TXNDC11: variants seen among roughly 807,000 people sequenced by gnomAD.
TXNDC11 encodes the protein thioredoxin domain containing 11.
TXNDC11 carries 68 observed loss-of-function variants against 78.0 expected under a neutral mutation model. The ratio of observed to expected loss-of-function variants is 0.87; its 90% confidence interval spans 0.72 to 1.07. The LOEUF (loss-of-function observed/expected upper bound fraction) is 1.07, where lower values mean the gene tolerates loss of function less well. Among genes scored for constraint, TXNDC11 ranks in the 50% least tolerant of loss-of-function variants. The pLI is 0.00. For missense variants in TXNDC11, 1,389 were observed against 1,221.8 expected, an observed-to-expected ratio of 1.14 and a Z score of -2.04; for synonymous variants, 571 against 495.2, an observed-to-expected ratio of 1.15 and a Z score of -2.03.
intron 5 of TXNDC11, among the ~76,000 whole-genome samples, chr16:11,703,509 T>TACACATACACACACAC (rs373777451): frequency 1.4e-5 from 2 of 144,938 alleles, no homozygotes; most frequent in African/African-American, 5.2e-5. Flanking sequence ...AGGCTTTTGA[T>TACACATACACACACAC]ACACACACAC....
chr16:11,720,823 C>A lies in TXNDC11; in HGVS notation c.793+754G>T, dbSNP rs1440219553. 2.6e-5 allele frequency among the ~76,000 whole-genome samples: 4 copies of A among 151,764 alleles called. No homozygotes were observed. The South Asian group carries it at 8.3e-4, about 32-fold the overall frequency. Reference sequence around the variant, plus strand: ...GTGGCGCGATCTCGGTTTACTGCAACCTCTGCCTCCTACGTTGAAGCAAGT... The same window carrying A: ...GTGGCGCGATCTCGGTTTACTGCAAACTCTGCCTCCTACGTTGAAGCAAGT... On this transcript the variant is annotated intron_variant, in intron 5 of 11. Transcript: ENST00000283033.
At chr16:11,686,609 A>G (rs1395135970) in intron 10 of TXNDC11, among the ~76,000 whole-genome samples, 1 of 152,262 alleles carries the variant, frequency 6.6e-6, no homozygotes, top group Non-Finnish European at 1.5e-5. Context: ...TATTTTATCA[A>G]CACAAGATTC....
In TXNDC11 at chr16:11,691,798, G is replaced by C; in HGVS notation, c.1392C>G (p.Ser464Arg). Residue 464 changes from serine (S) to arginine (R), a missense_variant, in exon 8 of 12, where the codon AGC (serine) becomes AGG (arginine). Transcript: ENST00000283033. ...KPSSVSVPQC[S>R]FFEMAAALDS... The stretch of plus-strand genomic sequence containing the variant: ...CCAGAGCTGCTGCCATTTCAAAAAA[G>C]CTGCACTGTGGCACGCTGACCGAGC... 1 of 1,614,262 alleles carries C rather than the reference G, an allele frequency of 6.2e-7. No homozygotes were observed. Among genetic ancestry groups the C allele is most frequent in the Non-Finnish European group, 8.5e-7 (1 of 1,180,050 alleles).
At chr16:11,698,471 CCGCT>C (rs2050921030) in intron 6 of TXNDC11, 146 bp from the exon 7 acceptor site, 1 of 667,734 alleles carries the variant, frequency 1.5e-6, no homozygotes, top group African/African-American at 1.8e-5. Context: ...CAGCTAACAC[CCGCT>C]TCTCCAGAGA....
At position 11,715,602 on chromosome 16, in the gene TXNDC11, C is replaced by G. The variant is rs1168712171; in HGVS notation, c.793+5975G>C. Among the ~76,000 whole-genome samples the G allele has an allele frequency of 3.0e-4, 46 of 152,174 alleles. 1 individual carries two copies. The highest frequency in any genetic ancestry group is 3.0e-3 in the Admixed American group (46 of 15,274). ...ACATTTAAAATCCCGTAGCTAAAAT[C>G]TTTCTCACGCGTCCTTTACCAGTCA... On this transcript the variant is annotated intron_variant, in intron 5 of 11. Coordinates refer to ENST00000283033, the MANE Select transcript of TXNDC11 (RefSeq NM_015914.7).
rs566206215 is a variant in TXNDC11, at chr16:11,703,495, CT to C, written c.794-2932del. Among the ~76,000 whole-genome samples the C allele has an allele frequency of 3.6e-4, 54 of 148,356 alleles. 1 individual carries two copies. The highest frequency in any genetic ancestry group is 1.3e-3 in the African/African-American group (51 of 39,908). ...TGAAATCAGAGAGAATGAGTATAAA[CT>C]TAAGGCTTTTGATACACACACACAC... On this transcript the variant is annotated intron_variant, in intron 5 of 11. Coordinates refer to ENST00000283033, the MANE Select transcript of TXNDC11 (RefSeq NM_015914.7).
intron 4 of TXNDC11, among the ~76,000 whole-genome samples, chr16:11,724,545 C>T (rs1436056940): frequency 6.6e-6 from 1 of 152,110 alleles, no homozygotes; most frequent in Non-Finnish European, 1.5e-5. Flanking sequence ...GGGAGGATCA[C>T]CTGACCTCAG....
chr16:11,718,486 T>TA (rs1567333790), intron 5 of TXNDC11, among the ~76,000 whole-genome samples: 1 of 152,150 alleles, frequency 6.6e-6, no homozygotes. Context: ...TTTGAAACTG[T>TA]ATCTTTTTTT....
intron 11 of TXNDC11, among the ~76,000 whole-genome samples, chr16:11,681,818 C>T (rs539035234): frequency 1.3e-5 from 2 of 152,366 alleles, no homozygotes; most frequent in South Asian, 4.1e-4. Flanking sequence ...CTATGTCTCC[C>T]TCAAGGCCCC....
At chr16:11,715,550 G>A (rs1345732242) in intron 5 of TXNDC11, among the ~76,000 whole-genome samples, 1 of 151,920 alleles carries the variant, frequency 6.6e-6, no homozygotes, top group Non-Finnish European at 1.5e-5. Flanking sequence ...AAGAAGTGGA[G>A]AAGGTAGTGA....
intron 5 of TXNDC11, among the ~76,000 whole-genome samples, chr16:11,715,295 C>T (rs1476000600): frequency 3.3e-5 from 5 of 152,002 alleles, no homozygotes; most frequent in Admixed American, 2.6e-4. Flanking sequence ...ATGTGAATTT[C>T]AATTTGATCT....
chr16:11,679,651 G>A lies in TXNDC11; in HGVS notation c.2421C>T (p.Ile807=), dbSNP rs763604905. 3.1e-6 allele frequency: 5 copies of A among 1,614,190 alleles called. No homozygotes were observed. The highest frequency in any genetic ancestry group is 3.4e-6 in the Non-Finnish European group (4 of 1,180,042). ...TGCTTATTTCTGCTCTCAGTTTCTGGATCTCTCTCTCCAAGTGGGAGATGT... is the reference window on the plus strand; with the variant it reads ...TGCTTATTTCTGCTCTCAGTTTCTGAATCTCTCTCTCCAAGTGGGAGATGT... ...RGHISHLERE[I]QKLRAEISSL... The change falls in exon 12 of 12, where the codon ATC becomes ATT. Residue 807 remains isoleucine (I), a synonymous_variant. Coordinates refer to ENST00000283033, the MANE Select transcript of TXNDC11 (RefSeq NM_015914.7). The surrounding 1 kb of genome is among the most constrained non-coding windows in gnomAD (Gnocchi z 4.6).
intron 5 of TXNDC11, among the ~76,000 whole-genome samples, chr16:11,711,452 C>T (rs2051355104): frequency 6.6e-6 from 1 of 152,208 alleles, no homozygotes; most frequent in Admixed American, 6.5e-5. Context: ...GGGGGAGAAT[C>T]CTTGACTTTT....
chr16:11,696,017 C>A (rs2050848578), intron 7 of TXNDC11, among the ~76,000 whole-genome samples: 2 of 148,202 alleles, frequency 1.3e-5, no homozygotes, highest in African/African-American at 5.2e-5. Flanking sequence ...CAAAGGAAGA[C>A]CCTAACTCAA....
intron 4 of TXNDC11, 124 bp from the exon 5 acceptor site, chr16:11,721,794 CA>C (rs570486486): frequency 2.5e-4 from 136 of 545,674 alleles, no homozygotes; most frequent in African/African-American, 2.4e-3. Flanking sequence ...TTCATTTTTT[CA>C]AAAAGCCTAA....
Position 11,714,471 on chromosome 16 carries a change from C to G in TXNDC11, c.793+7106G>C, listed in dbSNP as rs548025613. ...TGGCGAAAACGGTGAAACCCCGTCT[C>G]TACTAAAAAATACAAAACATTAGCC... On this transcript the variant is annotated intron_variant, in intron 5 of 11. Coordinates refer to ENST00000283033, the MANE Select transcript of TXNDC11 (RefSeq NM_015914.7). Among the ~76,000 whole-genome samples the G allele has an allele frequency of 8.6e-4, 131 of 152,248 alleles. No individual in the cohort carries two copies. In the Middle Eastern group the frequency reaches 0.014, roughly 16 times the overall value.
intron 3 of TXNDC11, 63 bp from the exon 4 acceptor site, chr16:11,730,837 T>C: frequency 8.0e-7 from 1 of 1,251,748 alleles, no homozygotes; most frequent in South Asian, 2.0e-5. Context: ...GCATTAAGCC[T>C]GTAATGTATA....
intron 11 of TXNDC11, among the ~76,000 whole-genome samples, chr16:11,680,700 C>G (rs895193140): frequency 1.3e-5 from 2 of 152,170 alleles, no homozygotes; most frequent in Non-Finnish European, 2.9e-5. Context: ...GTTTGTCTCC[C>G]TCAGGTGTTA....
intron 5 of TXNDC11, among the ~76,000 whole-genome samples, chr16:11,700,876 T>C (rs1204484664): frequency 6.6e-6 from 1 of 152,182 alleles, no homozygotes; most frequent in Non-Finnish European, 1.5e-5. Context: ...AGGCACATGC[T>C]GTTCTCTTTG....
Sources: gnomAD v4.1 joint callset for allele counts (sites outside exome capture counted in the v4.1 genomes callset) on GRCh38, gnomAD v4.1.1 for gene constraint, Gnocchi (gnomAD v3.1) non-coding constraint, MANE v1.5 for transcripts, NCBI Gene and HGNC (gene_info 2026-07-23, HGNC 2026-07-21) for gene names.